Variants in RTKN2 observed in about 807,000 individuals in gnomAD.
RTKN2 encodes the protein rhotekin 2, also known as rhotekin-2.
In RTKN2, 69 loss-of-function variants were observed where a neutral mutation model predicts 71.5. The ratio of observed to expected loss-of-function variants is 0.96; its 90% CI spans 0.79 to 1.18. RTKN2 has a LOEUF of 1.18. RTKN2 is among the 50% of genes most tolerant of loss of function. RTKN2 has a pLI of 0.00. For missense variants in RTKN2, 724 were observed against 719.7 expected, an observed-to-expected ratio of 1.01 and a Z score of -0.07; for synonymous variants, 236 against 236.5, an observed-to-expected ratio of 1.00 and a Z score of 0.02.
intron 4 of RTKN2, among the ~76,000 whole-genome samples, chr10:62,240,438 C>T (rs1360138381): frequency 6.6e-6 from 1 of 152,014 alleles, no homozygotes. Flanking sequence ...TACTTAATTC[C>T]CACATGTATT....
At chr10:62,228,129 A>C (rs1842068902) in intron 6 of RTKN2, among the ~76,000 whole-genome samples, 1 of 152,192 alleles carries the variant, frequency 6.6e-6, no homozygotes, top group South Asian at 2.1e-4. Context: ...TAGGTATTGG[A>C]GATATAAATT....
chr10:62,243,367 A>G (rs1842418883), intron 3 of RTKN2, among the ~76,000 whole-genome samples: 1 of 152,062 alleles, frequency 6.6e-6, no homozygotes, highest in Non-Finnish European at 1.5e-5. Flanking sequence ...CTTGGCTGAT[A>G]TCCTGCCAAA....
intron 10 of RTKN2, among the ~76,000 whole-genome samples, chr10:62,204,597 T>A (rs1224088382): frequency 6.6e-6 from 1 of 152,172 alleles, no homozygotes; most frequent in African/African-American, 2.4e-5. Flanking sequence ...GAGAATATGG[T>A]CTGGTTGTTT....
At chr10:62,257,902 C>T (rs1353725505) in intron 2 of RTKN2, among the ~76,000 whole-genome samples, 1 of 152,156 alleles carries the variant, frequency 6.6e-6, no homozygotes, top group African/African-American at 2.4e-5. Context: ...CCTACCCAAT[C>T]CAGAAAGGTT....
At chr10:62,236,836 G>A (rs1842269277) in intron 5 of RTKN2, among the ~76,000 whole-genome samples, 1 of 151,658 alleles carries the variant, frequency 6.6e-6, no homozygotes, top group Non-Finnish European at 1.5e-5. Flanking sequence ...TGAACTTGGA[G>A]GATATTAAGT....
At chr10:62,252,630 G>A (rs1842602771) in intron 2 of RTKN2, among the ~76,000 whole-genome samples, 1 of 151,598 alleles carries the variant, frequency 6.6e-6, no homozygotes, top group South Asian at 2.1e-4. Context: ...GTGGAGTAGG[G>A]GAAATACAAT....
downstream of RTKN2, among the ~76,000 whole-genome samples, chr10:62,192,918 TG>T (rs1172218922): frequency 2.0e-5 from 3 of 152,284 alleles, no homozygotes; most frequent in African/African-American, 7.2e-5. Flanking sequence ...TGAAAATACC[TG>T]AAGAATCTAA....
At chr10:62,253,492 C>T (rs1043838385) in intron 2 of RTKN2, among the ~76,000 whole-genome samples, 5 of 152,064 alleles carry the variant, frequency 3.3e-5, no homozygotes, top group Middle Eastern at 3.2e-3. Context: ...ACAGATCTTT[C>T]GAACTCCTTT....
chr10:62,257,248 A>C (rs1842692378), intron 2 of RTKN2, among the ~76,000 whole-genome samples: 1 of 152,192 alleles, frequency 6.6e-6, no homozygotes, highest in Non-Finnish European at 1.5e-5. Context: ...TGATAAGAAG[A>C]ATCAGACATT....
chr10:62,194,806 T>C lies in RTKN2; in HGVS notation c.*3102A>G. The C allele has an allele frequency of 4.1e-6, 4 of 985,170 alleles. No homozygotes were observed. Among genetic ancestry groups the C allele is most frequent in the African/African-American group, 1.7e-5 (1 of 57,356 alleles). The allele number at this position is 985,170 out of a possible 1,614,324, so 61.0% of individuals were successfully genotyped here. On this transcript the variant is annotated 3_prime_UTR_variant, in exon 12 of 12. Transcript: ENST00000373789. ...AATTCAAGACAGCTTCCATTTTTAA[T>C]AAATAGTAGCAGGTAAAATGCATTT...
Position 62,197,635 on chromosome 10 carries a change from T to C in RTKN2, c.*273A>G, listed in dbSNP as rs1238945065. On this transcript the variant is annotated 3_prime_UTR_variant, in exon 12 of 12. Coordinates refer to ENST00000373789, the MANE Select transcript of RTKN2 (RefSeq NM_145307.4). ...CTAGGGCTTATTCACTGCCTGGTAC[T>C]AATTCAGGAATAAATTAACCCTTCC... is the stretch of plus-strand genomic sequence containing the variant. 8.2e-7 allele frequency: 1 copy of C among 1,225,654 alleles called. No individual in the cohort carries two copies. The highest frequency in any genetic ancestry group is 4.0e-5 in the Admixed American group (1 of 24,720). The allele number at this position is 1,225,654 out of a possible 1,614,324, so 75.9% of individuals were successfully genotyped here. A position where few individuals can be genotyped will look rare whatever the true frequency, so the allele number is the denominator to read the frequency against.
intron 6 of RTKN2, among the ~76,000 whole-genome samples, chr10:62,230,846 A>G (rs917183535): frequency 2.0e-5 from 3 of 152,206 alleles, no homozygotes; most frequent in Non-Finnish European, 4.4e-5. Flanking sequence ...TTTTTCCTTT[A>G]AAACAAATAA....
chr10:62,202,148 G>T (rs78531564), intron 10 of RTKN2, among the ~76,000 whole-genome samples: 4,416 of 151,850 alleles, frequency 0.029, 86 homozygotes, highest in South Asian at 0.094. Flanking sequence ...CCAGAACATG[G>T]GTCACTCCTC....
In RTKN2 at chr10:62,186,568, G is replaced by A. The variant is rs534342788; in HGVS notation, c.862-2181C>T. On this transcript the variant is annotated intron_variant, in intron 8 of 8. Coordinates refer to the RTKN2 transcript ENST00000315289. ...CTCAGAGTGCTGGGGTGGGGGTGGGGTAGAGGCATGGTGGGAGGCCAAGTG... is the reference window on the plus strand; with the variant it reads ...CTCAGAGTGCTGGGGTGGGGGTGGGATAGAGGCATGGTGGGAGGCCAAGTG... Among the ~76,000 whole-genome samples the A allele has an allele frequency of 3.6e-5, 5 of 138,972 alleles. No homozygotes were observed. In the East Asian group the frequency reaches 1.3e-3, roughly 35 times the overall value. 91.2% of individuals were successfully genotyped at this position (138,972 alleles called of 152,430 possible). A position where few individuals can be genotyped will look rare whatever the true frequency, so the allele number is the denominator to read the frequency against.
At chr10:62,206,534 T>C (rs1841552738) in intron 9 of RTKN2, among the ~76,000 whole-genome samples, 1 of 152,130 alleles carries the variant, frequency 6.6e-6, no homozygotes, top group African/African-American at 2.4e-5. Context: ...GGGAAAAATG[T>C]ATGTTGTATA....
At chr10:62,268,414 C>T in intron 1 of RTKN2, 137 bp downstream of exon 1, 1 of 854,844 alleles carries the variant, frequency 1.2e-6, no homozygotes, top group East Asian at 2.7e-5. Context: ...GTCTCCTAAT[C>T]CCTCCCTTTG....
chr10:62,197,305 C>G lies in RTKN2; in HGVS notation c.*603G>C, dbSNP rs1318817284. On this transcript the variant is annotated 3_prime_UTR_variant, in exon 12 of 12. Transcript: ENST00000373789. ...TCATCAAGGAAACAAGTTTGAATAGCACATTACAAATTCCCTTTAAAGATG... is the reference window on the plus strand; with the variant it reads ...TCATCAAGGAAACAAGTTTGAATAGGACATTACAAATTCCCTTTAAAGATG... The G allele has an allele frequency of 9.1e-6, 9 of 985,246 alleles. No individual in the cohort carries two copies. The highest frequency in any genetic ancestry group is 1.1e-5 in the Non-Finnish European group (9 of 829,588). The allele number at this position is 985,246 out of a possible 1,614,324, so 61.0% of individuals were successfully genotyped here. A position where few individuals can be genotyped will look rare whatever the true frequency, so the allele number is the denominator to read the frequency against.
intron 6 of RTKN2, among the ~76,000 whole-genome samples, chr10:62,224,857 C>A (rs1841986617): frequency 6.6e-6 from 1 of 152,044 alleles, no homozygotes; most frequent in African/African-American, 2.4e-5. Context: ...AGCAAGCAAG[C>A]AGCAAGCATG....
At chr10:62,192,986 A>G (rs1302248682), downstream of RTKN2, among the ~76,000 whole-genome samples, 1 of 152,180 alleles carries the variant, frequency 6.6e-6, no homozygotes. Context: ...ATTATATTTT[A>G]TATACATAAA....
Sources: gnomAD v4.1 joint callset for allele counts (sites outside exome capture counted in the v4.1 genomes callset) on GRCh38, gnomAD v4.1.1 for gene constraint, MANE v1.5 for transcripts, NCBI Gene and HGNC (gene_info 2026-07-23, HGNC 2026-07-21) for gene names.